CHL1: variants seen among roughly 807,000 people sequenced by gnomAD.
CHL1 encodes the protein cell adhesion molecule L1 like.
CHL1 carries 96 observed loss-of-function variants against 141.9 expected under a neutral mutation model. The observed-to-expected ratio is 0.68, with a 90% CI of 0.57 to 0.80. The LOEUF (loss-of-function observed/expected upper bound fraction) is 0.80. Among genes scored for constraint, CHL1 ranks in the 30% least tolerant of loss-of-function variants. CHL1 has a pLI of 0.00. For missense variants in CHL1, 1,820 were observed against 1,457.2 expected (o/e 1.25, Z -4.05); for synonymous variants, 613 against 502.2 (o/e 1.22, Z -2.95).
chr3:386,830 A>G (rs1230418303), intron 19 of CHL1, among the ~76,000 whole-genome samples: 1 of 152,196 alleles, frequency 6.6e-6, no homozygotes, highest in African/African-American at 2.4e-5. Flanking sequence ...ATATTGTATA[A>G]CATAATGACT....
intron 2 of CHL1, among the ~76,000 whole-genome samples, chr3:275,654 C>CT (rs951517892): frequency 1.3e-4 from 20 of 152,080 alleles, no homozygotes; most frequent in African/African-American, 4.6e-4. Context: ...CATGTTTGGC[C>CT]TTTTTTCCAA....
intron 2 of CHL1, among the ~76,000 whole-genome samples, chr3:316,302 G>T (rs1030444205): frequency 1.3e-5 from 2 of 151,940 alleles, no homozygotes; most frequent in Non-Finnish European, 2.9e-5. Context: ...GAGGACTCTA[G>T]TACCCTCACT....
chr3:243,120 C>A (rs1300679166), intron 1 of CHL1, among the ~76,000 whole-genome samples: 1 of 152,136 alleles, frequency 6.6e-6, no homozygotes, highest in Non-Finnish European at 1.5e-5. Context: ...GGATAAAGAA[C>A]ATTCTAGATT....
chr3:377,666 A>C, intron 15 of CHL1, 152 bp from the exon 16 acceptor site: 1 of 604,658 alleles, frequency 1.7e-6, no homozygotes, highest in Non-Finnish European at 2.8e-6. Context: ...CCAGGTTTCA[A>C]CTGTGGCATT....
At chr3:205,626 T>C (rs1469112430) in intron 1 of CHL1, among the ~76,000 whole-genome samples, 1 of 152,122 alleles carries the variant, frequency 6.6e-6, no homozygotes, top group Non-Finnish European at 1.5e-5. Flanking sequence ...TACATGTTCT[T>C]ATGTTTGTGT....
At chr3:267,609 T>A (rs1288677712) in intron 2 of CHL1, among the ~76,000 whole-genome samples, 1 of 152,184 alleles carries the variant, frequency 6.6e-6, no homozygotes, top group Non-Finnish European at 1.5e-5. Context: ...AAAATTGCCT[T>A]ATACATTATA....
chr3:242,393 G>C (rs550301492), intron 1 of CHL1, among the ~76,000 whole-genome samples: 52 of 141,624 alleles, frequency 3.7e-4, no homozygotes, highest in Admixed American at 1.2e-3. Context: ...TCAGGAGATC[G>C]AGACCATCCT....
chr3:322,620 A>G (rs1700658625), intron 3 of CHL1, among the ~76,000 whole-genome samples: 1 of 138,716 alleles, frequency 7.2e-6, no homozygotes, highest in Non-Finnish European at 1.5e-5. Flanking sequence ...ATGAGACCTC[A>G]TCTCTAAATT....
Position 200,371 on chromosome 3 carries a change from G to A in CHL1, c.-175+3308G>A, listed in dbSNP as rs527280254. The stretch of plus-strand genomic sequence containing the variant: ...TTGGGGACCTAATTGAAATGCAAAG[G>A]TATAATCAAGAGAATGAACTTGTCT... On this transcript the variant is annotated intron_variant, in intron 1 of 27. Transcript: ENST00000256509. Among the ~76,000 whole-genome samples, 38 of 152,246 alleles carry A rather than the reference G, an allele frequency of 2.5e-4. No homozygotes were observed. In the South Asian group the frequency reaches 7.2e-3, roughly 29 times the overall value.
intron 6 of CHL1, 139 bp downstream of exon 6, chr3:341,055 T>A: frequency 1.2e-6 from 1 of 862,018 alleles, no homozygotes; most frequent in Non-Finnish European, 1.8e-6. Context: ...ATGCTACTAA[T>A]ATGATAAGAT....
chr3:329,278 A>C (rs1701260548), intron 5 of CHL1, among the ~76,000 whole-genome samples: 1 of 152,088 alleles, frequency 6.6e-6, no homozygotes, highest in African/African-American at 2.4e-5. Flanking sequence ...TTAGAGTCCT[A>C]GATATGAAAG....
At chr3:288,651 T>G (rs1017409920) in intron 2 of CHL1, among the ~76,000 whole-genome samples, 1 of 152,170 alleles carries the variant, frequency 6.6e-6, no homozygotes, top group Non-Finnish European at 1.5e-5. Context: ...CCCCTACCTC[T>G]ACTGGTCAAG....
At chr3:230,728 T>C (rs1325411309) in intron 1 of CHL1, among the ~76,000 whole-genome samples, 1 of 152,172 alleles carries the variant, frequency 6.6e-6, no homozygotes, top group Non-Finnish European at 1.5e-5. Context: ...ATCATTTTTG[T>C]ATTGTGGTAA....
intron 25 of CHL1, 98 bp from the exon 26 acceptor site, chr3:398,919 T>G: frequency 9.0e-7 from 1 of 1,114,580 alleles, no homozygotes; most frequent in South Asian, 1.4e-5. Flanking sequence ...CTGATACTAT[T>G]TGGTATGTTT....
At chr3:388,877 T>C (rs1707992829) in intron 19 of CHL1, among the ~76,000 whole-genome samples, 1 of 152,256 alleles carries the variant, frequency 6.6e-6, no homozygotes, top group Non-Finnish European at 1.5e-5. Context: ...TTATTTTTTA[T>C]TTCAGCCTGT....
intron 4 of CHL1, 41 bp downstream of exon 4, chr3:326,105 C>A (rs1043282079): frequency 8.1e-7 from 1 of 1,237,146 alleles, no homozygotes; most frequent in African/African-American, 1.5e-5. Context: ...TAAATGCGTG[C>A]TGTTCTTTAT....
At chr3:198,229 C>G (rs1390312534) in intron 1 of CHL1, 2 of 160,492 alleles carry the variant, frequency 1.2e-5, no homozygotes, top group East Asian at 1.9e-4. Flanking sequence ...GGTGGCCCGG[C>G]AGAGAGGGCG....
chr3:217,352 G>A (rs1379885112), intron 1 of CHL1, among the ~76,000 whole-genome samples: 3 of 151,950 alleles, frequency 2.0e-5, no homozygotes, highest in Admixed American at 1.3e-4. Flanking sequence ...ATTGAGCTGC[G>A]AACAAATCCC....
chr3:241,437 A>G (rs1196115209), intron 1 of CHL1, among the ~76,000 whole-genome samples: 1 of 152,230 alleles, frequency 6.6e-6, no homozygotes, highest in Non-Finnish European at 1.5e-5. Context: ...TTCAGAAAAC[A>G]AGTGACCCTG....
Sources: allele counts gnomAD v4.1 joint callset (sites outside exome capture counted in the v4.1 genomes callset), GRCh38; gene constraint gnomAD v4.1.1; transcripts MANE v1.5; gene names NCBI Gene and HGNC (gene_info 2026-07-23, HGNC 2026-07-21).